LRP1B: variants seen among roughly 807,000 people sequenced by gnomAD.
LRP1B encodes the protein low-density lipoprotein receptor-related protein 1B.
Under a neutral mutation model 556.6 loss-of-function variants are expected in LRP1B, and 217 were observed. That is an observed-to-expected ratio of 0.39 (90% CI 0.35 to 0.44). The LOEUF (loss-of-function observed/expected upper bound fraction) is 0.44. Ranked by LOEUF, LRP1B falls within the 20% of genes least tolerant of loss-of-function variation. The probability of loss-of-function intolerance (pLI) is 1.00; values close to 1 mark genes in which losing one functional copy is unlikely to be tolerated. For synonymous variants in LRP1B, 2,047 were observed against 1,865.8 expected (o/e 1.10, Z -2.50); for missense variants, 5,053 against 5,620.8 (o/e 0.90, Z 3.23).
chr2:140,526,295 T>A lies in LRP1B; in HGVS notation c.7818A>T (p.Arg2606Ser). The part of the protein sequence containing the change: ...FRCADGTCIP[R>S]SARCNQNIDC... ...CTATGTTCTGGTTGCATCGTGCTGA[T>A]CTTGGAATACAAGTCCCATCTGCAC... The change falls in exon 48 of 91, where the codon AGA becomes AGT. Residue 2606 changes from arginine to serine, a missense_variant. By Grantham distance (110) the Arg-to-Ser change is moderately radical. Coordinates refer to ENST00000389484, the MANE Select transcript of LRP1B (RefSeq NM_018557.3). 1 of 1,612,134 alleles carries A rather than the reference T, an allele frequency of 6.2e-7. No individual in the cohort carries two copies. The highest frequency in any genetic ancestry group is 8.5e-7 in the Non-Finnish European group (1 of 1,178,704).
chr2:141,211,409 C>G (rs966012867), intron 6 of LRP1B, among the ~76,000 whole-genome samples: 4 of 151,472 alleles, frequency 2.6e-5, no homozygotes, highest in Non-Finnish European at 5.9e-5. Flanking sequence ...ATCACGAGGT[C>G]AGGAGTTTGA....
intron 3 of LRP1B, among the ~76,000 whole-genome samples, chr2:141,302,405 C>T (rs1686429962): frequency 1.3e-5 from 2 of 152,046 alleles, no homozygotes; most frequent in Non-Finnish European, 1.5e-5. Context: ...TAATTAATAT[C>T]CTCCAGAGTT....
At chr2:140,272,368 G>A (rs1052667768) in intron 85 of LRP1B, among the ~76,000 whole-genome samples, 3 of 151,360 alleles carry the variant, frequency 2.0e-5, no homozygotes, top group African/African-American at 7.3e-5. Context: ...CATGACAATG[G>A]TCATCAAAAA....
At chr2:142,020,530 C>T (rs868421316) in intron 1 of LRP1B, among the ~76,000 whole-genome samples, 3 of 152,098 alleles carry the variant, frequency 2.0e-5, no homozygotes, top group African/African-American at 4.8e-5. Flanking sequence ...ACAGTGACCA[C>T]GAAAGGAATT....
At chr2:140,841,600 TTGAC>T (rs1456177902) in intron 29 of LRP1B, among the ~76,000 whole-genome samples, 1 of 152,178 alleles carries the variant, frequency 6.6e-6, no homozygotes, top group Non-Finnish European at 1.5e-5. Flanking sequence ...TTAAGAGGAA[TTGAC>T]TGAGAAGAGA....
At chr2:140,672,253 C>G (rs1685510600) in intron 41 of LRP1B, among the ~76,000 whole-genome samples, 1 of 152,010 alleles carries the variant, frequency 6.6e-6, no homozygotes, top group Non-Finnish European at 1.5e-5. Flanking sequence ...TTTGGGAGGC[C>G]AAGGCGGCGG....
chr2:141,350,286 AGTAG>A (rs1559022698), intron 3 of LRP1B, among the ~76,000 whole-genome samples: 45 of 152,200 alleles, frequency 3.0e-4, no homozygotes, highest in African/African-American at 1.0e-3. Flanking sequence ...CAAATGTACA[AGTAG>A]CAAAGGCCAG....
intron 7 of LRP1B, among the ~76,000 whole-genome samples, chr2:141,102,688 A>G (rs4954881): frequency 0.28 from 42,893 of 151,786 alleles, 6,443 homozygotes; most frequent in East Asian, 0.64. Context: ...AGGTACAACT[A>G]TAACATAAAC....
intron 11 of LRP1B, among the ~76,000 whole-genome samples, chr2:141,045,868 C>G (rs1002729630): frequency 1.3e-5 from 2 of 152,046 alleles, no homozygotes; most frequent in African/African-American, 2.4e-5. Flanking sequence ...AAAAAATACA[C>G]ATAGTAAATA....
intron 7 of LRP1B, among the ~76,000 whole-genome samples, chr2:141,139,700 G>A (rs975258248): frequency 1.3e-5 from 2 of 151,794 alleles, no homozygotes; most frequent in African/African-American, 4.8e-5. Flanking sequence ...ACTAGACCAA[G>A]TGTTGGCAAA....
At chr2:141,223,775 A>T (rs989208676) in intron 6 of LRP1B, among the ~76,000 whole-genome samples, 1 of 152,198 alleles carries the variant, frequency 6.6e-6, no homozygotes, top group African/African-American at 2.4e-5. Flanking sequence ...AGAAACAAGC[A>T]ATGGGGAAAT....
chr2:141,951,635 T>C (rs185895340), intron 1 of LRP1B, among the ~76,000 whole-genome samples: 3 of 152,296 alleles, frequency 2.0e-5, no homozygotes, highest in Non-Finnish European at 2.9e-5. Context: ...GCTGAAACAT[T>C]GGGATAGTTA....
chr2:141,835,747 TATTA>T (rs900771040), intron 1 of LRP1B, among the ~76,000 whole-genome samples: 3 of 151,892 alleles, frequency 2.0e-5, no homozygotes, highest in Non-Finnish European at 4.4e-5. Flanking sequence ...AGCTGAGATT[TATTA>T]ATTCAAAAAC....
chr2:141,500,208 T>A (rs542141221), intron 2 of LRP1B, among the ~76,000 whole-genome samples: 1 of 152,128 alleles, frequency 6.6e-6, no homozygotes, highest in African/African-American at 2.4e-5. Context: ...GCTTTCCCCA[T>A]ATATTTACCT....
At chr2:141,519,649 A>G (rs146272040) in intron 2 of LRP1B, among the ~76,000 whole-genome samples, 3 of 151,966 alleles carry the variant, frequency 2.0e-5, no homozygotes, top group African/African-American at 4.8e-5. Flanking sequence ...TATTCTCCAC[A>G]TGCTGGAAAA....
chr2:141,109,073 C>G (rs1018460207), intron 7 of LRP1B, among the ~76,000 whole-genome samples: 1 of 152,140 alleles, frequency 6.6e-6, no homozygotes, highest in African/African-American at 2.4e-5. Flanking sequence ...TAAGATTGGT[C>G]TTGTAAGATG....
chr2:142,097,160 C>T (rs1706404301), intron 1 of LRP1B, among the ~76,000 whole-genome samples: 1 of 151,606 alleles, frequency 6.6e-6, no homozygotes, highest in Non-Finnish European at 1.5e-5. Context: ...AATGTAAGCA[C>T]TTTGAGGGAT....
chr2:141,706,233 G>A (rs985406026), intron 2 of LRP1B, among the ~76,000 whole-genome samples: 2 of 151,966 alleles, frequency 1.3e-5, no homozygotes, highest in Non-Finnish European at 2.9e-5. Flanking sequence ...GAATAAATTA[G>A]GACACTTTCA....
chr2:140,499,798 G>C (rs1399467617), intron 55 of LRP1B, among the ~76,000 whole-genome samples: 1 of 151,790 alleles, frequency 6.6e-6, no homozygotes, highest in Non-Finnish European at 1.5e-5. Flanking sequence ...TAATTCTATA[G>C]GAACACCACT....
Sources: allele counts gnomAD v4.1 joint callset (sites outside exome capture counted in the v4.1 genomes callset), GRCh38; gene constraint gnomAD v4.1.1; transcripts MANE v1.5; gene names NCBI Gene and HGNC (gene_info 2026-07-23, HGNC 2026-07-21).